The following BRD1 variants were observed in gnomAD, a reference collection of about 807,000 sequenced individuals.
BRD1 encodes bromodomain-containing protein 1.
Under a neutral mutation model 107.7 loss-of-function variants are expected in BRD1, and 24 were observed. The ratio of observed to expected loss-of-function variants is 0.22; its 90% CI spans 0.16 to 0.31. The LOEUF (loss-of-function observed/expected upper bound fraction) is 0.31. Ranked by LOEUF, BRD1 falls within the 10% of genes least tolerant of loss-of-function variation. The pLI is 1.00. For missense variants in BRD1, 1,279 were observed against 1,638.6 expected (o/e 0.78, Z 3.79); for synonymous variants, 744 against 686.1 (o/e 1.08, Z -1.32).
intron 8 of BRD1, among the ~76,000 whole-genome samples, chr22:49,784,715 G>A (rs2059288626): frequency 6.6e-6 from 1 of 152,236 alleles, no homozygotes. Flanking sequence ...AAGAACTGCA[G>A]CTCTGGGCAA....
rs1198546000 is a variant in BRD1, at chr22:49,824,866, G to A, written c.-14-535C>T. ...CCAGGAGAGCACTCCCATGAGCCCAGAGTCACCACAGTCCTTGCAGCATTC... is the reference window on the plus strand; with the variant it reads ...CCAGGAGAGCACTCCCATGAGCCCAAAGTCACCACAGTCCTTGCAGCATTC... On this transcript the variant is annotated intron_variant, in intron 1 of 12. Transcript: ENST00000404760. This position sits in a 1 kb window ranked among gnomAD's most constrained non-coding sequence, Gnocchi z 5.9. 3.0e-6 allele frequency: 3 copies of A among 984,314 alleles called. No individual in the cohort carries two copies. The East Asian group carries it at 3.0e-4, about 97-fold the overall frequency. 61.0% of individuals were successfully genotyped at this position (984,314 alleles called of 1,614,324 possible).
At position 49,774,286 on chromosome 22, in the gene BRD1, G is replaced by A; in HGVS notation, c.3517C>T (p.His1173Tyr). 1.9e-6 allele frequency: 3 copies of A among 1,614,202 alleles called. No homozygotes were observed. The highest frequency in any genetic ancestry group is 2.5e-6 in the Non-Finnish European group (3 of 1,180,028). The change falls in exon 13 of 13, where the codon CAC (histidine) becomes TAC (tyrosine). Residue 1173 changes from histidine (H) to tyrosine (Y), a missense_variant. Coordinates refer to ENST00000404760, the MANE Select transcript of BRD1 (RefSeq NM_001304808.3). ...VRIAFDRAMN[H>Y]LSRVHGEPTS... ...GGCTCCCCGTGGACGCGGCTCAGGTGGTTCATGGCGCGGTCAAAAGCGATC... is the reference window on the plus strand; with the variant it reads ...GGCTCCCCGTGGACGCGGCTCAGGTAGTTCATGGCGCGGTCAAAAGCGATC...
In BRD1 at chr22:49,775,568, G is replaced by C. The variant is rs768164867; in HGVS notation, c.3386+23C>G. On this transcript the variant is annotated intron_variant, in intron 12 of 12. Transcript: ENST00000404760. ...CCCCAACCACCCCAGCCGGTCCCCG[G>C]AGTCTAAGGCCTCTCAACTCACCAA... 3 of 1,465,070 alleles carry C rather than the reference G, an allele frequency of 2.0e-6. No homozygotes were observed. The African/African-American group carries it at 4.3e-5, about 21-fold the overall frequency. 90.8% of individuals were successfully genotyped at this position (1,465,070 alleles called of 1,614,324 possible). A position where few individuals can be genotyped will look rare whatever the true frequency, so the allele number is the denominator to read the frequency against.
rs529771218 is a variant in BRD1 at position 49,826,486 on chromosome 22, G to A, written c.-15+1011C>T. ...GGGAGGGATCCGCGGGGGCACACAC[G>A]TAGCTTCTCAAGGAATAATTCCCTT... On this transcript the variant is annotated intron_variant, in intron 1 of 12. Transcript: ENST00000404760. 1.5e-4 allele frequency among the ~76,000 whole-genome samples: 23 copies of A among 152,360 alleles called. 1 individual carries two copies. The East Asian group carries it at 1.7e-3, about 12-fold the overall frequency.
chr22:49,812,104 CTTTT>C (rs374572699), intron 2 of BRD1, among the ~76,000 whole-genome samples: 3 of 123,490 alleles, frequency 2.4e-5, no homozygotes, highest in African/African-American at 6.7e-5. Flanking sequence ...CAGTCTGCTC[CTTTT>C]TTTTTTTTTT....
intron 3 of BRD1, among the ~76,000 whole-genome samples, chr22:49,801,868 C>T (rs78957331): frequency 0.035 from 5,287 of 152,320 alleles, 288 homozygotes; most frequent in African/African-American, 0.12. Flanking sequence ...CTGCCTGGGT[C>T]CCCGTGGCCC....
chr22:49,791,521 T>C (rs2059433883), intron 7 of BRD1, among the ~76,000 whole-genome samples: 1 of 152,244 alleles, frequency 6.6e-6, no homozygotes, highest in African/African-American at 2.4e-5. Context: ...AGAAAAATGA[T>C]GGAGAGGCTT....
At chr22:49,813,071 A>G (rs1399018985) in intron 2 of BRD1, among the ~76,000 whole-genome samples, 1 of 152,134 alleles carries the variant, frequency 6.6e-6, no homozygotes, top group Non-Finnish European at 1.5e-5. Flanking sequence ...ACCTCACACC[A>G]AACAGCAATT....
chr22:49,822,583 G>A (rs138879), intron 2 of BRD1, among the ~76,000 whole-genome samples: 11,761 of 151,960 alleles, frequency 0.077, 595 homozygotes, highest in South Asian at 0.11. Context: ...GGTGGCGCAC[G>A]CCTGCAGTCC....
At position 49,783,083 on chromosome 22, in the gene BRD1, G is replaced by C. The variant is rs370220013; in HGVS notation, c.2857+4307C>G. Among the ~76,000 whole-genome samples, 1 of 151,516 alleles carries C rather than the reference G, an allele frequency of 6.6e-6. No individual in the cohort carries two copies. The highest frequency in any genetic ancestry group is 1.5e-5 in the Non-Finnish European group (1 of 67,960). ...TGACAATGCAGCTGGGATGGTCAGA[G>C]ACAGAACCAAGGCCCAGGCCAGACG... On this transcript the variant is annotated intron_variant, in intron 8 of 12. Transcript: ENST00000404760. This position sits in a 1 kb window ranked among gnomAD's most constrained non-coding sequence, Gnocchi z 4.2.
chr22:49,795,942 C>G (rs1287136965), intron 6 of BRD1, among the ~76,000 whole-genome samples: 3 of 152,196 alleles, frequency 2.0e-5, no homozygotes, highest in Non-Finnish European at 4.4e-5. Flanking sequence ...AGCGCAGCTT[C>G]AGAGAGGGGT....
At chr22:49,791,699 C>T (rs771374488) in intron 7 of BRD1, among the ~76,000 whole-genome samples, 150 of 152,224 alleles carry the variant, frequency 9.9e-4, no homozygotes, top group Non-Finnish European at 1.4e-3. Flanking sequence ...CACAGACCCC[C>T]ATCTTCTCTG....
chr22:49,775,658 C>G lies in BRD1; in HGVS notation c.3319G>C (p.Glu1107Gln), dbSNP rs779657585. 450 of 1,613,660 alleles carry G rather than the reference C, an allele frequency of 2.8e-4. No individual in the cohort carries two copies. Among genetic ancestry groups the G allele is most frequent in the Non-Finnish European group, 3.7e-4 (442 of 1,179,852 alleles). ...TCATCAGACTTGGTCTGCATGTGCT[C>G]CCCAATCTTCAGCACGTCCAGGGGT... ...APPLDVLKIG[E>Q]HMQTKSDEKL... The change falls in exon 12 of 13, where the codon GAG becomes CAG. Residue 1107 changes from glutamate to glutamine, a missense_variant. Around this residue, in one of 7 missense-constraint regions of BRD1, gnomAD observed 136 missense variants for 196.8 expected, o/e 0.69. Coordinates refer to ENST00000404760, the MANE Select transcript of BRD1 (RefSeq NM_001304808.3).
At position 49,826,351 on chromosome 22, in the gene BRD1, GA is replaced by G. The variant is rs1010183458; in HGVS notation, c.-15+1145del. On this transcript the variant is annotated intron_variant, in intron 1 of 12. Coordinates refer to ENST00000404760, the MANE Select transcript of BRD1 (RefSeq NM_001304808.3). The stretch of plus-strand genomic sequence containing the variant: ...CCTCAACATGCAACTGGGACCCGGG[GA>G]AAGTAGGCCCTCAGCAGGGCAGGGC... 6.6e-5 allele frequency: 52 copies of G among 789,946 alleles called. No individual in the cohort carries two copies. The Middle Eastern group carries it at 1.9e-3, about 29-fold the overall frequency. The allele number at this position is 789,946 out of a possible 1,614,324, so 48.9% of individuals were successfully genotyped here. A position where few individuals can be genotyped will look rare whatever the true frequency, so the allele number is the denominator to read the frequency against.
At chr22:49,805,463 C>T (rs2059723226) in intron 2 of BRD1, 1 of 152,336 alleles carries the variant, frequency 6.6e-6, no homozygotes, top group African/African-American at 2.4e-5. Context: ...CAAGGGCAGT[C>T]TGCATGCTCA....
At chr22:49,808,071 C>T (rs913053661) in intron 2 of BRD1, among the ~76,000 whole-genome samples, 2 of 152,102 alleles carry the variant, frequency 1.3e-5, no homozygotes, top group Non-Finnish European at 2.9e-5. Context: ...TGAACCCTTG[C>T]GCACCGCCGG....
chr22:49,791,671 G>C (rs2059436880), intron 7 of BRD1, among the ~76,000 whole-genome samples: 1 of 152,012 alleles, frequency 6.6e-6, no homozygotes, highest in African/African-American at 2.4e-5. Flanking sequence ...CCCCATTCCA[G>C]TCTGGCACTC....
Position 49,822,828 on chromosome 22 carries a change from T to G in BRD1, c.1367+123A>C, listed in dbSNP as rs962771290. ...GCAGAACCACACTTCAGGGGAATAT[T>G]AGGAAGCTGCGCCAACTAGAAACGC... is the stretch of plus-strand genomic sequence containing the variant. On this transcript the variant is annotated intron_variant, in intron 2 of 12. Coordinates refer to ENST00000404760, the MANE Select transcript of BRD1 (RefSeq NM_001304808.3). 1.1e-5 allele frequency: 13 copies of G among 1,149,168 alleles called. No individual in the cohort carries two copies. In the East Asian group the frequency reaches 2.9e-4, roughly 25 times the overall value. 71.2% of individuals were successfully genotyped at this position (1,149,168 alleles called of 1,614,324 possible).
At chr22:49,810,859 A>G (rs185934802) in intron 2 of BRD1, among the ~76,000 whole-genome samples, 1 of 152,334 alleles carries the variant, frequency 6.6e-6, no homozygotes, top group African/African-American at 2.4e-5. Flanking sequence ...TCAAAATACT[A>G]AACAGCATTA....
Sources: allele counts gnomAD v4.1 joint callset (sites outside exome capture counted in the v4.1 genomes callset), GRCh38; gene constraint gnomAD v4.1.1; regional missense constraint gnomAD v4.1.1; non-coding constraint Gnocchi (gnomAD v3.1); transcripts MANE v1.5; gene names NCBI Gene and HGNC (gene_info 2026-07-23, HGNC 2026-07-21).